The following ABHD17C variants were observed in gnomAD, a reference collection of about 807,000 sequenced individuals.
ABHD17C encodes the protein abhydrolase domain containing 17C, depalmitoylase, also known as alpha/beta hydrolase domain-containing protein 17C.
A neutral mutation model predicts 27.9 loss-of-function variants in ABHD17C; 11 were observed. The ratio of observed to expected loss-of-function variants is 0.39; its 90% confidence interval spans 0.25 to 0.65. The LOEUF (loss-of-function observed/expected upper bound fraction) is 0.65, where lower values mean the gene tolerates loss of function less well. Ranked by LOEUF, ABHD17C falls within the 30% of genes least tolerant of loss-of-function variation. The pLI is 0.45. For synonymous variants in ABHD17C, 233 were observed against 209.1 expected (o/e 1.11, Z -0.98); for missense variants, 280 against 470.2 (o/e 0.60, Z 3.74).
chr15:80,732,309 G>A (rs1895067967), intron 1 of ABHD17C, among the ~76,000 whole-genome samples: 1 of 152,202 alleles, frequency 6.6e-6, no homozygotes, highest in Non-Finnish European at 1.5e-5. Flanking sequence ...CGATGCTTCT[G>A]CCAGCTTCTG....
chr15:80,730,324 C>T (rs1456806826), intron 1 of ABHD17C, among the ~76,000 whole-genome samples: 1 of 152,208 alleles, frequency 6.6e-6, no homozygotes, highest in African/African-American at 2.4e-5. Flanking sequence ...CCATGGAATC[C>T]ACTTCTGGTG....
chr15:80,752,056 C>T (rs1453117636), intron 2 of ABHD17C, among the ~76,000 whole-genome samples: 1 of 152,194 alleles, frequency 6.6e-6, no homozygotes, highest in African/African-American at 2.4e-5. Flanking sequence ...TTTTCTTTTA[C>T]CTCCTTTACA....
chr15:80,726,718 TAGTC>T (rs1894984936), intron 1 of ABHD17C, among the ~76,000 whole-genome samples: 2 of 151,954 alleles, frequency 1.3e-5, no homozygotes, highest in African/African-American at 2.4e-5. Flanking sequence ...TTCACCGTGT[TAGTC>T]AGGATGGTTA....
Position 80,695,844 on chromosome 15 carries a change from C to T in ABHD17C, c.415C>T (p.His139Tyr). ...CAGCCGCTACACGCTGCTCTTCTCG[C>T]ACGGCAACGCCGTGGACCTGGGCCA... ...PSSRYTLLFS[H>Y]GNAVDLGQMC... The change falls in exon 1 of 3, where the codon CAC (histidine) becomes TAC (tyrosine). Residue 139 changes from histidine (H) to tyrosine (Y), a missense_variant. By Grantham distance (83) the His-to-Tyr change is moderately conservative. Transcript: ENST00000258884. This position sits in a 1 kb window ranked among gnomAD's most constrained non-coding sequence, Gnocchi z 4.3. 1 of 1,592,118 alleles carries T rather than the reference C, an allele frequency of 6.3e-7. No homozygotes were observed. Among genetic ancestry groups the T allele is most frequent in the South Asian group, 1.1e-5 (1 of 89,990 alleles).
chr15:80,719,434 C>A (rs1470354495), intron 1 of ABHD17C, among the ~76,000 whole-genome samples: 1 of 152,220 alleles, frequency 6.6e-6, no homozygotes, highest in Non-Finnish European at 1.5e-5. Context: ...CCTTTCCTTA[C>A]CCCCAGTTCC....
intron 2 of ABHD17C, among the ~76,000 whole-genome samples, chr15:80,750,136 T>C (rs1895346776): frequency 6.6e-6 from 1 of 152,220 alleles, no homozygotes; most frequent in Admixed American, 6.5e-5. Context: ...AAATTTCTCT[T>C]ACTTTTTCAG....
chr15:80,735,258 A>T, intron 1 of ABHD17C, among the ~76,000 whole-genome samples: 1 of 152,176 alleles, frequency 6.6e-6, no homozygotes, highest in East Asian at 1.9e-4. Flanking sequence ...AACTCAATAT[A>T]TTCCCAAACT....
chr15:80,752,447 T>G (rs184749282), intron 2 of ABHD17C, among the ~76,000 whole-genome samples: 1 of 152,202 alleles, frequency 6.6e-6, no homozygotes, highest in African/African-American at 2.4e-5. Context: ...ATGTTAGAGC[T>G]CTTTATTATC....
intron 1 of ABHD17C, among the ~76,000 whole-genome samples, chr15:80,743,147 C>T (rs1026875445): frequency 1.3e-5 from 2 of 151,844 alleles, no homozygotes; most frequent in African/African-American, 4.8e-5. Flanking sequence ...TTTACAGGGG[C>T]GGGGAGGAGA....
chr15:80,730,027 G>T (rs1895037033), intron 1 of ABHD17C, among the ~76,000 whole-genome samples: 1 of 152,074 alleles, frequency 6.6e-6, no homozygotes. Context: ...GCTGAGACAG[G>T]AGAACCACGT....
At chr15:80,700,189 T>C (rs999572236) in intron 1 of ABHD17C, among the ~76,000 whole-genome samples, 1 of 152,204 alleles carries the variant, frequency 6.6e-6, no homozygotes, top group Non-Finnish European at 1.5e-5. Context: ...AGTTTTAGAC[T>C]GTGTGTGCAC....
At chr15:80,738,986 G>A (rs556089376) in intron 1 of ABHD17C, among the ~76,000 whole-genome samples, 12 of 152,284 alleles carry the variant, frequency 7.9e-5, no homozygotes, top group African/African-American at 2.9e-4. Flanking sequence ...TGCCAGAAAG[G>A]GGTGAGGATT....
intron 1 of ABHD17C, among the ~76,000 whole-genome samples, chr15:80,748,401 C>T (rs766744234): frequency 6.6e-5 from 10 of 152,118 alleles, no homozygotes; most frequent in Non-Finnish European, 1.0e-4. Flanking sequence ...AAAGTAACAG[C>T]GTTCCACTTT....
intron 1 of ABHD17C, among the ~76,000 whole-genome samples, chr15:80,711,386 A>G (rs1894726936): frequency 6.6e-6 from 1 of 152,014 alleles, no homozygotes; most frequent in African/African-American, 2.4e-5. Context: ...TTCCCCCAAG[A>G]TTTCTTTCCA....
chr15:80,750,679 A>G (rs1895353915), intron 2 of ABHD17C, among the ~76,000 whole-genome samples: 1 of 152,192 alleles, frequency 6.6e-6, no homozygotes. Flanking sequence ...ACCAGGATTC[A>G]ATGAGATTCG....
chr15:80,720,942 AT>A (rs907819993), intron 1 of ABHD17C, among the ~76,000 whole-genome samples: 19 of 151,766 alleles, frequency 1.3e-4, no homozygotes, highest in Non-Finnish European at 2.7e-4. Flanking sequence ...AAAAATATTA[AT>A]TTATGTTGAA....
intron 1 of ABHD17C, among the ~76,000 whole-genome samples, chr15:80,738,890 A>T (rs1244634667): frequency 6.6e-6 from 1 of 152,230 alleles, no homozygotes; most frequent in Non-Finnish European, 1.5e-5. Flanking sequence ...TATTTATCAT[A>T]TAACTACTAT....
chr15:80,695,984 C>G lies in ABHD17C; in HGVS notation c.555C>G (p.Ala185=), dbSNP rs201669296. 6.3e-7 allele frequency: 1 copy of G among 1,585,958 alleles called. No individual in the cohort carries two copies. The highest frequency in any genetic ancestry group is 8.5e-7 in the Non-Finnish European group (1 of 1,174,012). The change falls in exon 1 of 3, where the codon GCC becomes GCG. Residue 185 remains alanine (A), a synonymous_variant. Transcript: ENST00000258884. The surrounding 1 kb of genome is among the most constrained non-coding windows in gnomAD (Gnocchi z 4.3). ...AGCCCTCCGAGAAGAACCTCTACGC[C>G]GACATCGACGCCGCGTGGCAGGCGC... The part of the protein sequence containing the change: ...SGKPSEKNLY[A]DIDAAWQALR...
chr15:80,730,490 C>T (rs1475867308), intron 1 of ABHD17C, among the ~76,000 whole-genome samples: 2 of 152,202 alleles, frequency 1.3e-5, no homozygotes, highest in African/African-American at 4.8e-5. Flanking sequence ...AGGATGAAAA[C>T]GCAGTTCTAC....
Sources: allele counts gnomAD v4.1 joint callset (sites outside exome capture counted in the v4.1 genomes callset), GRCh38; gene constraint gnomAD v4.1.1; non-coding constraint Gnocchi (gnomAD v3.1); transcripts MANE v1.5; gene names NCBI Gene and HGNC (gene_info 2026-07-23, HGNC 2026-07-21).